The following TRIM37 variants were observed in gnomAD, a reference collection of about 807,000 sequenced individuals.
TRIM37 encodes E3 ubiquitin-protein ligase TRIM37.
TRIM37 carries 80 observed loss-of-function variants against 129.8 expected under a neutral mutation model. The ratio of observed to expected loss-of-function variants is 0.62; its 90% CI spans 0.51 to 0.74. The LOEUF is 0.74. TRIM37 is among the 30% of genes least tolerant of loss of function. TRIM37 has a pLI of 0.00. For missense variants in TRIM37, 1,054 were observed against 1,176.5 expected, an observed-to-expected ratio of 0.90 and a Z score of 1.52; for synonymous variants, 389 against 387.1, an observed-to-expected ratio of 1.00 and a Z score of -0.06.
At chr17:59,045,014 A>C (rs1032043420) in intron 16 of TRIM37, among the ~76,000 whole-genome samples, 1 of 151,956 alleles carries the variant, frequency 6.6e-6, no homozygotes, top group Non-Finnish European at 1.5e-5. Context: ...CCTGGCCACA[A>C]AGCCAGATTC....
At chr17:59,097,290 G>C (rs1489429240) in intron 2 of TRIM37, among the ~76,000 whole-genome samples, 1 of 152,062 alleles carries the variant, frequency 6.6e-6, no homozygotes, top group Non-Finnish European at 1.5e-5. Context: ...ATTCCAGCCA[G>C]AGTACTTAGG....
At chr17:58,972,314 T>C in the TRIM37 span, 163 of 1,569,734 alleles carry the variant, frequency 1.0e-4, no homozygotes, top group South Asian at 1.8e-3. Context: ...ATGCTCTAGT[T>C]ATTAGTTTAG....
intron 22 of TRIM37, among the ~76,000 whole-genome samples, chr17:59,007,538 G>GA (rs1232661213): frequency 2.6e-5 from 4 of 152,102 alleles, no homozygotes; most frequent in Non-Finnish European, 4.4e-5. Flanking sequence ...TGATTTAACT[G>GA]AAGGGGGTAT....
rs778008016 is a variant in TRIM37 at position 59,091,281 on chromosome 17, A to C, written c.164+19T>G. On this transcript the variant is annotated intron_variant, in intron 3 of 23. Coordinates refer to ENST00000262294, the MANE Select transcript of TRIM37 (RefSeq NM_015294.6). Reference sequence around the variant, plus strand: ...TTACTATTTTCAAAATTCACAAATAATCGTAAGGAAACACTTACCGGCAAT... The same window carrying C: ...TTACTATTTTCAAAATTCACAAATACTCGTAAGGAAACACTTACCGGCAAT... 5 of 1,582,024 alleles carry C rather than the reference A, an allele frequency of 3.2e-6. No individual in the cohort carries two copies. The Admixed American group carries it at 8.6e-5, about 27-fold the overall frequency.
chr17:59,073,954 C>A (rs1029706039), intron 8 of TRIM37, among the ~76,000 whole-genome samples: 1 of 152,084 alleles, frequency 6.6e-6, no homozygotes, highest in African/African-American at 2.4e-5. Flanking sequence ...GGAGTAAACT[C>A]TAGAATATAT....
intron 9 of TRIM37, among the ~76,000 whole-genome samples, chr17:59,068,414 C>T (rs945346737): frequency 2.0e-5 from 3 of 152,204 alleles, no homozygotes; most frequent in Non-Finnish European, 2.9e-5. Flanking sequence ...GTCATCCATG[C>T]ACCACACTTT....
chr17:59,053,907 T>A (rs2040586319), intron 13 of TRIM37, among the ~76,000 whole-genome samples: 1 of 151,524 alleles, frequency 6.6e-6, no homozygotes, highest in Non-Finnish European at 1.5e-5. Flanking sequence ...TAGACTAGAC[T>A]GGGCAATATA....
intron 16 of TRIM37, among the ~76,000 whole-genome samples, chr17:59,042,439 A>ATATATATATATAT (rs1184637891): frequency 3.8e-4 from 31 of 82,070 alleles, no homozygotes; most frequent in African/African-American, 1.1e-3. Context: ...TTTAAAAAAA[A>ATATATATATATAT]AAAAAAAAAA....
downstream of TRIM37, chr17:58,981,375 C>G (rs1598721411): frequency 5.0e-6 from 1 of 199,688 alleles, no homozygotes; most frequent in African/African-American, 2.3e-5. Context: ...TTATTTCAGT[C>G]AGGATATACA....
At chr17:59,065,701 T>C (rs1599302572) in intron 9 of TRIM37, among the ~76,000 whole-genome samples, 1 of 152,350 alleles carries the variant, frequency 6.6e-6, no homozygotes, top group East Asian at 1.9e-4. Flanking sequence ...TGCAAACCAT[T>C]TCACCACATC....
chr17:59,047,870 G>T, intron 15 of TRIM37, 51 bp from the exon 16 acceptor site: 1 of 1,605,792 alleles, frequency 6.2e-7, no homozygotes. Flanking sequence ...TTTCTACTCA[G>T]TTGATCACCC....
intron 12 of TRIM37, 128 bp downstream of exon 12, chr17:59,060,904 G>GCC: frequency 1.4e-6 from 1 of 693,596 alleles, no homozygotes; most frequent in East Asian, 2.8e-5. Context: ...ATGATGCCAA[G>GCC]AACATATTAT....
chr17:59,093,675 A>G (rs566730112), intron 2 of TRIM37, among the ~76,000 whole-genome samples: 1 of 152,160 alleles, frequency 6.6e-6, no homozygotes, highest in Non-Finnish European at 1.5e-5. Flanking sequence ...ATCGTATTTT[A>G]AATGTCTCCC....
At chr17:58,976,508 A>G in the TRIM37 span, among the ~76,000 whole-genome samples, 2 of 152,250 alleles carry the variant, frequency 1.3e-5, no homozygotes, top group Admixed American at 6.5e-5. Context: ...TCTACTCAGG[A>G]AAGAAATGAT....
chr17:59,020,033 C>A (rs1447651462), intron 19 of TRIM37, among the ~76,000 whole-genome samples: 1 of 151,758 alleles, frequency 6.6e-6, no homozygotes, highest in Non-Finnish European at 1.5e-5. Context: ...GAGTTCGAGA[C>A]CAGCCTGGCC....
In TRIM37 at chr17:59,001,727, A is replaced by G; in HGVS notation, c.2696-13T>C. Reference sequence around the variant, plus strand: ...TCGCTACTCATTCCTGGCAGGAAGGAAGGAGAACATGTTTCTGAAAAGAAA... The same window carrying G: ...TCGCTACTCATTCCTGGCAGGAAGGGAGGAGAACATGTTTCTGAAAAGAAA... On this transcript the variant is annotated splice_polypyrimidine_tract_variant and intron_variant, in intron 22 of 23. Transcript: ENST00000262294. 1.2e-6 allele frequency: 2 copies of G among 1,613,924 alleles called. No individual in the cohort carries two copies. The highest frequency in any genetic ancestry group is 1.7e-6 in the Non-Finnish European group (2 of 1,179,942).
intron 19 of TRIM37, 114 bp from the exon 20 acceptor site, chr17:59,017,538 G>A (rs1879850541): frequency 1.4e-6 from 2 of 1,418,170 alleles, no homozygotes; most frequent in Non-Finnish European, 2.0e-6. Flanking sequence ...TCTCTCTACT[G>A]TCTAAAAATA....
At chr17:58,982,086 G>A (rs535877145), downstream of TRIM37, 4 of 152,722 alleles carry the variant, frequency 2.6e-5, no homozygotes, top group Admixed American at 2.6e-4. Flanking sequence ...GAGGCTGAAA[G>A]TATTGTCTAA....
chr17:58,988,652 G>T (rs1362548733), intron 24 of TRIM37, among the ~76,000 whole-genome samples: 1 of 152,108 alleles, frequency 6.6e-6, no homozygotes, highest in Non-Finnish European at 1.5e-5. Context: ...AAACAGCAGA[G>T]TATTTCCAGG....
Sources: gnomAD v4.1 joint callset for allele counts (sites outside exome capture counted in the v4.1 genomes callset) on GRCh38, gnomAD v4.1.1 for gene constraint, MANE v1.5 for transcripts, NCBI Gene and HGNC (gene_info 2026-07-23, HGNC 2026-07-21) for gene names.